Variants in SDK1 observed in about 807,000 individuals in gnomAD.
SDK1 encodes the protein protein sidekick-1.
In SDK1, 157 loss-of-function variants were observed where a neutral mutation model predicts 245.5. That is an observed-to-expected ratio of 0.64 (90% CI 0.56 to 0.73). The LOEUF is 0.73. SDK1 is among the 30% of genes least tolerant of loss of function. The probability of loss-of-function intolerance (pLI) is 0.00; values close to 1 mark genes in which losing one functional copy is unlikely to be tolerated. For synonymous variants in SDK1, 1,647 were observed against 1,278.5 expected (o/e 1.29, Z -6.15); for missense variants, 3,583 against 3,002.3 (o/e 1.19, Z -4.52).
intron 13 of SDK1, among the ~76,000 whole-genome samples, chr7:3,975,280 T>C (rs1782827247): frequency 6.6e-6 from 1 of 152,106 alleles, no homozygotes. Context: ...AGTACAAAAA[T>C]AAAACCTGAA....
intron 4 of SDK1, among the ~76,000 whole-genome samples, chr7:3,677,215 T>C (rs965173671): frequency 7.2e-5 from 11 of 152,224 alleles, no homozygotes; most frequent in African/African-American, 2.4e-4. Context: ...TATGTGTGTG[T>C]GTGTGCATGT....
chr7:3,977,247 G>A (rs1216954772), intron 13 of SDK1, among the ~76,000 whole-genome samples: 2 of 45,596 alleles, frequency 4.4e-5, no homozygotes, highest in Non-Finnish European at 3.9e-5. Context: ...TGAGGGTCCC[G>A]GGGCTGAGGC....
chr7:3,966,255 G>A (rs1184773965), intron 9 of SDK1, among the ~76,000 whole-genome samples: 1 of 152,132 alleles, frequency 6.6e-6, no homozygotes, highest in Non-Finnish European at 1.5e-5. Flanking sequence ...ACTTGCCATG[G>A]TCCATGGGAT....
intron 1 of SDK1, among the ~76,000 whole-genome samples, chr7:3,450,359 G>A (rs1780474606): frequency 6.6e-6 from 1 of 152,126 alleles, no homozygotes; most frequent in African/African-American, 2.4e-5. Flanking sequence ...TGTGGATGAG[G>A]TATTATTAAG....
intron 5 of SDK1, among the ~76,000 whole-genome samples, chr7:3,918,814 T>G (rs2128111961): frequency 6.6e-6 from 1 of 152,154 alleles, no homozygotes; most frequent in South Asian, 2.1e-4. Flanking sequence ...ACTTCCTGTC[T>G]TAGTTGGCCC....
chr7:4,187,682 C>T (rs918195487), intron 35 of SDK1, among the ~76,000 whole-genome samples: 1 of 152,160 alleles, frequency 6.6e-6, no homozygotes, highest in Non-Finnish European at 1.5e-5. Flanking sequence ...AGAGTTTATT[C>T]GAGCAGACAG....
chr7:4,181,543 C>A (rs1346071034), intron 35 of SDK1, among the ~76,000 whole-genome samples: 3 of 152,074 alleles, frequency 2.0e-5, no homozygotes, highest in Admixed American at 1.3e-4. Flanking sequence ...CACTGGGCCC[C>A]CATCTCCCTC....
At chr7:4,135,954 A>G (rs958457845) in intron 28 of SDK1, among the ~76,000 whole-genome samples, 1 of 152,208 alleles carries the variant, frequency 6.6e-6, no homozygotes, top group Admixed American at 6.5e-5. Flanking sequence ...TTGCTGAAGC[A>G]GAGGCTTCTT....
intron 1 of SDK1, among the ~76,000 whole-genome samples, chr7:3,548,123 A>G (rs1779287849): frequency 6.6e-6 from 1 of 152,188 alleles, no homozygotes; most frequent in Non-Finnish European, 1.5e-5. Flanking sequence ...CCACAATTAA[A>G]TCAGTATGAA....
At chr7:4,150,549 C>T (rs1179474022) in intron 30 of SDK1, among the ~76,000 whole-genome samples, 1 of 152,230 alleles carries the variant, frequency 6.6e-6, no homozygotes, top group African/African-American at 2.4e-5. Context: ...AAAAGTCGGT[C>T]ATTTGCTCAT....
intron 19 of SDK1, among the ~76,000 whole-genome samples, chr7:4,059,035 T>C (rs548063761): frequency 2.5e-4 from 38 of 152,236 alleles, no homozygotes; most frequent in African/African-American, 8.9e-4. Context: ...AAAGGATATA[T>C]AAACCAACCA....
intron 4 of SDK1, among the ~76,000 whole-genome samples, chr7:3,813,610 C>A (rs1224346618): frequency 6.7e-6 from 1 of 149,410 alleles, no homozygotes; most frequent in African/African-American, 2.5e-5. Context: ...GCTTTATAGT[C>A]ATTTGGGTAT....
chr7:3,538,976 C>T (rs185015701), intron 1 of SDK1, among the ~76,000 whole-genome samples: 21 of 152,338 alleles, frequency 1.4e-4, no homozygotes, highest in Admixed American at 7.8e-4. Flanking sequence ...ATCCCCCAAA[C>T]TGGCATGTCT....
chr7:3,308,422 C>G (rs552562142), intron 1 of SDK1, among the ~76,000 whole-genome samples: 8 of 152,078 alleles, frequency 5.3e-5, no homozygotes, highest in Non-Finnish European at 1.2e-4. Context: ...TTTAGTAAAA[C>G]AAAGGGTCTT....
intron 35 of SDK1, among the ~76,000 whole-genome samples, chr7:4,194,381 T>G: frequency 1.8e-5 from 2 of 109,882 alleles, no homozygotes; most frequent in African/African-American, 4.1e-5. Context: ...TACATGTATG[T>G]GTATACATGT....
At chr7:3,693,239 G>A (rs11765519) in intron 4 of SDK1, among the ~76,000 whole-genome samples, 83,959 of 151,850 alleles carry the variant, frequency 0.55, 27,035 homozygotes, top group Non-Finnish European at 0.74. Context: ...CATTATCTCT[G>A]TTCTTTTGTA....
At chr7:3,461,195 T>A (rs1338157098) in intron 1 of SDK1, among the ~76,000 whole-genome samples, 2 of 152,190 alleles carry the variant, frequency 1.3e-5, no homozygotes, top group East Asian at 3.9e-4. Flanking sequence ...GCATTTACCT[T>A]AGGCGGTCTT....
chr7:3,998,637 A>G (rs913940412), intron 14 of SDK1, among the ~76,000 whole-genome samples: 3 of 152,218 alleles, frequency 2.0e-5, no homozygotes, highest in Non-Finnish European at 2.9e-5. Flanking sequence ...CTATGACTCT[A>G]GGTTCCCCAG....
At chr7:4,235,690 C>T (rs1481642870) in intron 41 of SDK1, among the ~76,000 whole-genome samples, 1 of 152,230 alleles carries the variant, frequency 6.6e-6, no homozygotes, top group Non-Finnish European at 1.5e-5. Context: ...TCATGCGGAA[C>T]GTGCACTTTG....
Sources: gnomAD v4.1 joint callset for allele counts (sites outside exome capture counted in the v4.1 genomes callset) on GRCh38, gnomAD v4.1.1 for gene constraint, MANE v1.5 for transcripts, NCBI Gene and HGNC (gene_info 2026-07-23, HGNC 2026-07-21) for gene names.